ITGA6: variants seen among roughly 807,000 people sequenced by gnomAD.
The protein encoded by ITGA6 is integrin alpha-6.
A neutral mutation model predicts 133.6 loss-of-function variants in ITGA6; 63 were observed. That is an observed-to-expected ratio of 0.47 (90% CI 0.38 to 0.58). The LOEUF is 0.58. Ranked by LOEUF, ITGA6 falls within the 20% of genes least tolerant of loss-of-function variation. The pLI is 0.00. For synonymous variants in ITGA6, 434 were observed against 482.0 expected (o/e 0.90, Z 1.30); for missense variants, 1,068 against 1,309.4 (o/e 0.82, Z 2.85).
Position 172,427,854 on chromosome 2 carries a change from A to G in ITGA6, c.66A>G (p.Ala22=), listed in dbSNP as rs376400633. ...CGGGGCTCCTGTCCCGGCTCGGCGC[A>G]GCCTTCAACTTGGACACTCGGGAGG... ...LSAGLLSRLG[A]AFNLDTREDN... Residue 22 remains alanine, a synonymous_variant, in exon 1 of 26, where the codon GCA becomes GCG. Coordinates refer to ENST00000684293, the MANE Select transcript of ITGA6 (RefSeq NM_000210.4). 3 of 1,606,822 alleles carry G rather than the reference A, an allele frequency of 1.9e-6. No individual in the cohort carries two copies. In the African/African-American group the frequency reaches 4.0e-5, roughly 22 times the overall value.
chr2:172,476,282 T>A, intron 8 of ITGA6, 113 bp from the exon 9 acceptor site: 1 of 767,760 alleles, frequency 1.3e-6, no homozygotes, highest in South Asian at 1.4e-5. Flanking sequence ...AATTTACTTA[T>A]AAGTGAACTC....
At chr2:172,443,903 T>G (rs1422090911) in intron 1 of ITGA6, among the ~76,000 whole-genome samples, 1 of 152,146 alleles carries the variant, frequency 6.6e-6, no homozygotes, top group Non-Finnish European at 1.5e-5. Context: ...GCCTCCCGAG[T>G]ACCTGGGACT....
chr2:172,460,820 A>C (rs1181106586), intron 1 of ITGA6, among the ~76,000 whole-genome samples: 2 of 152,218 alleles, frequency 1.3e-5, no homozygotes, highest in Non-Finnish European at 2.9e-5. Context: ...GTTTTAAATT[A>C]AGCAATAATA....
chr2:172,473,044 G>C (rs1220254863), intron 5 of ITGA6, among the ~76,000 whole-genome samples: 1 of 152,190 alleles, frequency 6.6e-6, no homozygotes, highest in Non-Finnish European at 1.5e-5. Flanking sequence ...TCTGTGGCCA[G>C]ATGGTTGTAA....
At chr2:172,456,713 G>A (rs1685223024) in intron 1 of ITGA6, among the ~76,000 whole-genome samples, 1 of 152,218 alleles carries the variant, frequency 6.6e-6, no homozygotes, top group Non-Finnish European at 1.5e-5. Flanking sequence ...GCTAGCATAT[G>A]TCTGTGCCCA....
At chr2:172,439,593 T>C (rs572711677) in intron 1 of ITGA6, among the ~76,000 whole-genome samples, 21 of 151,970 alleles carry the variant, frequency 1.4e-4, no homozygotes, top group Middle Eastern at 3.4e-3. Flanking sequence ...TGTGTACTTA[T>C]ATAAAACACA....
intron 24 of ITGA6, 54 bp downstream of exon 24, chr2:172,498,154 A>T: frequency 6.4e-7 from 1 of 1,553,714 alleles, no homozygotes; most frequent in Non-Finnish European, 8.9e-7. Flanking sequence ...CATGTTTTAA[A>T]AAATGGGAAT....
chr2:172,440,333 G>C (rs1684488917), intron 1 of ITGA6, among the ~76,000 whole-genome samples: 1 of 152,090 alleles, frequency 6.6e-6, no homozygotes, highest in Admixed American at 6.6e-5. Flanking sequence ...TAGAGAACAG[G>C]AACCAGGGTA....
chr2:172,439,409 C>A (rs1271446339), intron 1 of ITGA6, among the ~76,000 whole-genome samples: 1 of 151,562 alleles, frequency 6.6e-6, no homozygotes, highest in Non-Finnish European at 1.5e-5. Context: ...TTGGTATAGA[C>A]CTTGAGGGAA....
rs145073859 is a variant in ITGA6, at chr2:172,479,423, C to T, written c.1389-218C>T. ...TTGCACATGTACTCATAAGTGTGTACGTTTTTAAACAAATATTGTATAATG... is the reference window on the plus strand; with the variant it reads ...TTGCACATGTACTCATAAGTGTGTATGTTTTTAAACAAATATTGTATAATG... On this transcript the variant is annotated intron_variant, in intron 9 of 25. Coordinates refer to ENST00000684293, the MANE Select transcript of ITGA6 (RefSeq NM_000210.4). Among the ~76,000 whole-genome samples, 556 of 152,216 alleles carry T rather than the reference C, an allele frequency of 3.7e-3. 6 individuals carry two copies. In the East Asian group the frequency reaches 0.042, roughly 11 times the overall value.
Position 172,491,223 on chromosome 2 carries a change from C to T in ITGA6, c.2781C>T (p.Asn927=). ...LFAERKYQTL[N]CSVNVNCVNI... Reference sequence around the variant, plus strand: ...ACCATTCTTCTTTTTCTCTCTAGAACTGTAGCGTGAACGTGAACTGTGTGA... The same window carrying T: ...ACCATTCTTCTTTTTCTCTCTAGAATTGTAGCGTGAACGTGAACTGTGTGA... Residue 927 remains asparagine, a splice_region_variant and synonymous_variant, in exon 22 of 26, where the codon AAC becomes AAT. Transcript: ENST00000684293. This position sits in a 1 kb window ranked among gnomAD's most constrained non-coding sequence, Gnocchi z 4.4. 1 of 1,598,378 alleles carries T rather than the reference C, an allele frequency of 6.3e-7. No individual in the cohort carries two copies. The highest frequency in any genetic ancestry group is 8.6e-7 in the Non-Finnish European group (1 of 1,165,720).
upstream of ITGA6, chr2:172,427,559 T>TA (rs201590863): frequency 0.021 from 25,918 of 1,207,632 alleles, 350 homozygotes; most frequent in Middle Eastern, 0.034. Context: ...CGTCACTTGA[T>TA]AAAACGCCTG....
intron 1 of ITGA6, chr2:172,465,094 G>A (rs1685593897): frequency 4.5e-6 from 1 of 220,624 alleles, no homozygotes; most frequent in Middle Eastern, 1.8e-3. Flanking sequence ...ACCTCAGGAA[G>A]GCACAGTGTT....
At chr2:172,471,543 G>T (rs1685937844) in intron 5 of ITGA6, among the ~76,000 whole-genome samples, 1 of 152,192 alleles carries the variant, frequency 6.6e-6, no homozygotes, top group South Asian at 2.1e-4. Flanking sequence ...GGCAAGTCAA[G>T]ACCTCCAGGT....
chr2:172,428,130 C>A (rs994283854), intron 1 of ITGA6, 160 bp downstream of exon 1: 29 of 462,058 alleles, frequency 6.3e-5, no homozygotes, highest in African/African-American at 6.1e-4. Context: ...CTCGGCTCCC[C>A]GCCCTGACCC....
intron 23 of ITGA6, among the ~76,000 whole-genome samples, chr2:172,495,143 T>C (rs973315542): frequency 6.6e-6 from 1 of 152,086 alleles, no homozygotes; most frequent in African/African-American, 2.4e-5. Flanking sequence ...CATTACAGGG[T>C]AATTTAGAGA....
intron 13 of ITGA6, among the ~76,000 whole-genome samples, chr2:172,486,755 C>A (rs56905465): frequency 6.6e-6 from 1 of 152,110 alleles, no homozygotes; most frequent in African/African-American, 2.4e-5. Flanking sequence ...GGTAGAGCTG[C>A]GTTTCAAACC....
intron 1 of ITGA6, among the ~76,000 whole-genome samples, chr2:172,453,044 C>A (rs116777609): frequency 6.6e-6 from 1 of 152,138 alleles, no homozygotes; most frequent in African/African-American, 2.4e-5. Flanking sequence ...TAGGGCAGAG[C>A]AGTCACTTAG....
chr2:172,465,231 T>C (rs771303191), intron 1 of ITGA6: 2 of 444,422 alleles, frequency 4.5e-6, no homozygotes, highest in South Asian at 4.3e-5. Flanking sequence ...TTAGAGGTTG[T>C]ATTCTTTGAA....
Sources: gnomAD v4.1 joint callset for allele counts (sites outside exome capture counted in the v4.1 genomes callset) on GRCh38, gnomAD v4.1.1 for gene constraint, Gnocchi (gnomAD v3.1) non-coding constraint, MANE v1.5 for transcripts, NCBI Gene and HGNC (gene_info 2026-07-23, HGNC 2026-07-21) for gene names.